ZNF385D: variants seen among roughly 807,000 people sequenced by gnomAD.
ZNF385D encodes the protein zinc finger protein 385D, also known as zinc finger protein 659.
In ZNF385D, 15 loss-of-function variants were observed where a neutral mutation model predicts 35.8. That is an observed-to-expected ratio of 0.42 (90% CI 0.28 to 0.64). The LOEUF is 0.64. Among genes scored for constraint, ZNF385D ranks in the 30% least tolerant of loss-of-function variants. ZNF385D has a pLI of 0.23. For missense variants in ZNF385D, 474 were observed against 494.6 expected (o/e 0.96, Z 0.39); for synonymous variants, 212 against 186.8 (o/e 1.13, Z -1.10).
At chr3:22,044,329 G>A (rs1283712683) in intron 3 of ZNF385D, among the ~76,000 whole-genome samples, 1 of 152,054 alleles carries the variant, frequency 6.6e-6, no homozygotes, top group African/African-American at 2.4e-5. Context: ...TTTCTCTAAT[G>A]TTTAGTACAT....
chr3:21,839,305 T>C (rs1261531319), intron 3 of ZNF385D, among the ~76,000 whole-genome samples: 1 of 151,932 alleles, frequency 6.6e-6, no homozygotes, highest in East Asian at 1.9e-4. Context: ...TTCTCAGGAG[T>C]AGCTAGCTAA....
chr3:21,720,178 C>A (rs1231794017), intron 1 of ZNF385D, among the ~76,000 whole-genome samples: 2 of 152,162 alleles, frequency 1.3e-5, no homozygotes, highest in African/African-American at 4.8e-5. Flanking sequence ...AAATGTGCAG[C>A]CAAGGCTGAG....
intron 1 of ZNF385D, among the ~76,000 whole-genome samples, chr3:21,709,324 CTT>C (rs2068016825): frequency 6.6e-6 from 1 of 152,070 alleles, no homozygotes. Flanking sequence ...CATTCAATGA[CTT>C]TCTAATTTTT....
intron 3 of ZNF385D, among the ~76,000 whole-genome samples, chr3:21,929,948 A>G (rs1160602953): frequency 6.6e-6 from 1 of 152,134 alleles, no homozygotes; most frequent in Non-Finnish European, 1.5e-5. Flanking sequence ...TGCCAAGCTT[A>G]TCCTAAAATT....
chr3:22,095,168 C>G (rs745699248), intron 3 of ZNF385D, among the ~76,000 whole-genome samples: 24 of 147,236 alleles, frequency 1.6e-4, no homozygotes, highest in Non-Finnish European at 3.3e-4. Context: ...CTCCTGGCCT[C>G]AAGTAGTCTT....
chr3:21,453,995 A>C (rs1042553644), intron 4 of ZNF385D, among the ~76,000 whole-genome samples: 2 of 152,144 alleles, frequency 1.3e-5, no homozygotes, highest in Non-Finnish European at 1.5e-5. Flanking sequence ...TATTTCTATA[A>C]ATAGAATATA....
At chr3:21,535,190 G>A (rs1376684228) in intron 3 of ZNF385D, among the ~76,000 whole-genome samples, 1 of 152,102 alleles carries the variant, frequency 6.6e-6, no homozygotes, top group Non-Finnish European at 1.5e-5. Context: ...CACTGATCCT[G>A]CTTCTAAAGA....
chr3:21,509,686 C>T (rs1707052789), intron 4 of ZNF385D, among the ~76,000 whole-genome samples: 1 of 152,042 alleles, frequency 6.6e-6, no homozygotes, highest in South Asian at 2.1e-4. Context: ...CAGCATTTAT[C>T]CCATGCCAGA....
At chr3:22,004,925 C>A (rs1169616015) in intron 3 of ZNF385D, among the ~76,000 whole-genome samples, 1 of 152,066 alleles carries the variant, frequency 6.6e-6, no homozygotes, top group African/African-American at 2.4e-5. Context: ...ACTTTGGGCA[C>A]ACGTCATCAG....
At chr3:21,526,212 A>T (rs1249731565) in intron 3 of ZNF385D, among the ~76,000 whole-genome samples, 1 of 152,090 alleles carries the variant, frequency 6.6e-6, no homozygotes, top group Non-Finnish European at 1.5e-5. Context: ...TCCAAAATTT[A>T]GTTTTTGATA....
chr3:21,589,136 G>C lies in ZNF385D; in HGVS notation c.166-24452C>G, dbSNP rs534032289. 2.6e-4 allele frequency among the ~76,000 whole-genome samples: 39 copies of C among 152,246 alleles called. 2 individuals carry two copies. In the South Asian group the frequency reaches 7.3e-3, roughly 28 times the overall value. ...AAGGGATGTGGTATTGCAAAAGTTTGGAAAAGTATTGAATTTTAGATATAA... is the reference window on the plus strand; with the variant it reads ...AAGGGATGTGGTATTGCAAAAGTTTCGAAAAGTATTGAATTTTAGATATAA... On this transcript the variant is annotated intron_variant, in intron 2 of 7. Coordinates refer to ENST00000281523, the MANE Select transcript of ZNF385D (RefSeq NM_024697.3).
intron 2 of ZNF385D, among the ~76,000 whole-genome samples, chr3:22,210,154 TATG>T (rs1697427608): frequency 6.6e-6 from 1 of 151,932 alleles, no homozygotes; most frequent in Non-Finnish European, 1.5e-5. Flanking sequence ...AGAGTCATTG[TATG>T]ATAACTGCAC....
chr3:21,856,086 A>T (rs545433548), intron 3 of ZNF385D, among the ~76,000 whole-genome samples: 1 of 152,070 alleles, frequency 6.6e-6, no homozygotes, highest in Non-Finnish European at 1.5e-5. Context: ...GTCAACAAAT[A>T]TAAGTTACAG....
At chr3:22,359,918 T>C (rs1028628175) in intron 2 of ZNF385D, among the ~76,000 whole-genome samples, 1 of 151,922 alleles carries the variant, frequency 6.6e-6, no homozygotes, top group Non-Finnish European at 1.5e-5. Flanking sequence ...GGCAACATAA[T>C]GTTCAATAAA....
intron 4 of ZNF385D, among the ~76,000 whole-genome samples, chr3:21,492,276 A>G (rs922130708): frequency 5.3e-5 from 8 of 152,138 alleles, no homozygotes; most frequent in Non-Finnish European, 1.2e-4. Context: ...TTAAAAATCA[A>G]TAGCTAAATA....
chr3:22,127,076 G>A (rs566471459), intron 3 of ZNF385D, among the ~76,000 whole-genome samples: 2 of 151,912 alleles, frequency 1.3e-5, no homozygotes, highest in Non-Finnish European at 2.9e-5. Context: ...CTTTACAGGT[G>A]AAATGTGTTT....
chr3:22,009,558 G>A (rs1259013554), intron 3 of ZNF385D, among the ~76,000 whole-genome samples: 2 of 151,260 alleles, frequency 1.3e-5, no homozygotes, highest in Admixed American at 6.6e-5. Context: ...AGGAGGCAGA[G>A]CTTGCAGTGA....
At chr3:21,615,332 G>A (rs1559461742) in intron 2 of ZNF385D, among the ~76,000 whole-genome samples, 1 of 146,238 alleles carries the variant, frequency 6.8e-6, no homozygotes. Flanking sequence ...CTCATCAGAA[G>A]CAGATGCTGG....
At chr3:21,795,559 C>G (rs1235332319) in intron 3 of ZNF385D, among the ~76,000 whole-genome samples, 1 of 152,138 alleles carries the variant, frequency 6.6e-6, no homozygotes, top group Non-Finnish European at 1.5e-5. Context: ...TTTTAAAAAT[C>G]CTTTCCCTTG....
Sources: allele counts gnomAD v4.1 joint callset (sites outside exome capture counted in the v4.1 genomes callset), GRCh38; gene constraint gnomAD v4.1.1; transcripts MANE v1.5; gene names NCBI Gene and HGNC (gene_info 2026-07-23, HGNC 2026-07-21).